The following MRC2 variants were observed in gnomAD, a reference collection of about 807,000 sequenced individuals.
MRC2 encodes the protein C-type mannose receptor 2.
MRC2 carries 84 observed loss-of-function variants against 206.2 expected under a neutral mutation model. The ratio of observed to expected loss-of-function variants is 0.41; its 90% CI spans 0.34 to 0.49. The LOEUF (loss-of-function observed/expected upper bound fraction) is 0.49, where lower values mean the gene tolerates loss of function less well. Ranked by LOEUF, MRC2 falls within the 20% of genes least tolerant of loss-of-function variation. The pLI is 0.31. For missense variants in MRC2, 1,676 were observed against 2,001.5 expected (o/e 0.84, Z 3.10); for synonymous variants, 798 against 800.0 (o/e 1.00, Z 0.04).
intron 1 of MRC2, among the ~76,000 whole-genome samples, chr17:62,644,552 A>G (rs1345200810): frequency 6.6e-6 from 1 of 152,208 alleles, no homozygotes; most frequent in Non-Finnish European, 1.5e-5. Flanking sequence ...AATAAAAATA[A>G]GAAATAAACA....
chr17:62,637,836 AC>A (rs2147432326), intron 1 of MRC2, among the ~76,000 whole-genome samples: 2 of 152,294 alleles, frequency 1.3e-5, no homozygotes, highest in South Asian at 4.1e-4. Context: ...TTGTCACTAC[AC>A]AGGTTCCAGC....
chr17:62,650,926 G>A (rs1358660818), intron 1 of MRC2, among the ~76,000 whole-genome samples: 2 of 152,108 alleles, frequency 1.3e-5, no homozygotes, highest in Non-Finnish European at 2.9e-5. Context: ...TTAGGACTCT[G>A]ATGAGGTTTA....
Position 62,671,718 on chromosome 17 carries a change from T to C in MRC2, c.1187T>C (p.Leu396Pro). ...WQPFQGHCYR[L>P]QAEKRSWQES... ...CCCTTCCAGGGCCACTGCTACCGCC[T>C]GCAGGCCGAGAAGCGCAGCTGGCAG... Residue 396 changes from leucine to proline, a missense_variant, in exon 7 of 30, where the codon CTG (leucine) becomes CCG (proline). Physicochemically the swap from Leu to Pro is moderately conservative, Grantham distance 98. Coordinates refer to ENST00000303375, the MANE Select transcript of MRC2 (RefSeq NM_006039.5). This position sits in a 1 kb window ranked among gnomAD's most constrained non-coding sequence, Gnocchi z 4.5. The C allele has an allele frequency of 6.2e-7, 1 of 1,612,712 alleles. No homozygotes were observed. The highest frequency in any genetic ancestry group is 8.5e-7 in the Non-Finnish European group (1 of 1,179,436).
intron 28 of MRC2, 130 bp downstream of exon 28, chr17:62,691,258 G>A: frequency 1.9e-6 from 2 of 1,071,254 alleles, no homozygotes; most frequent in Non-Finnish European, 2.6e-6. Flanking sequence ...ACGGACTGCG[G>A]GCAGCTGGGA....
At chr17:62,644,292 A>C (rs1007956787) in intron 1 of MRC2, among the ~76,000 whole-genome samples, 5 of 151,966 alleles carry the variant, frequency 3.3e-5, no homozygotes, top group African/African-American at 1.2e-4. Context: ...GGTGATGGGC[A>C]CCTGTAATCT....
At chr17:62,644,885 T>C (rs1598970144) in intron 1 of MRC2, among the ~76,000 whole-genome samples, 1 of 152,168 alleles carries the variant, frequency 6.6e-6, no homozygotes, top group East Asian at 1.9e-4. Context: ...GGGAACCACC[T>C]GGTGCTCTCT....
chr17:62,646,773 G>A (rs899496861), intron 1 of MRC2, among the ~76,000 whole-genome samples: 19 of 152,220 alleles, frequency 1.2e-4, no homozygotes, highest in African/African-American at 4.1e-4. Flanking sequence ...TTCAAGTCCC[G>A]CAGGGTTAAG....
chr17:62,673,970 A>G (rs2088858253), intron 8 of MRC2, 93 bp from the exon 9 acceptor site: 5 of 984,684 alleles, frequency 5.1e-6, no homozygotes, highest in Non-Finnish European at 6.2e-6. Flanking sequence ...TAAGTCAGAG[A>G]CAGGGCCAGC....
chr17:62,646,390 G>A (rs934044390), intron 1 of MRC2, among the ~76,000 whole-genome samples: 1 of 152,094 alleles, frequency 6.6e-6, no homozygotes, highest in Non-Finnish European at 1.5e-5. Flanking sequence ...GAACTCCTGG[G>A]CTCAAGCTAT....
rs1188998795 is a variant in MRC2 at position 62,664,327 on chromosome 17, G to A, written c.119-221G>A. Among the ~76,000 whole-genome samples the A allele has an allele frequency of 6.6e-6, 1 of 152,216 alleles. No individual in the cohort carries two copies. The highest frequency in any genetic ancestry group is 2.4e-5 in the African/African-American group (1 of 41,460). ...CCTGGTGAGCAGGGGCTAGAACAGA[G>A]GTAGTCCTGCAGGCCTCTGCCTCAT... On this transcript the variant is annotated intron_variant, in intron 1 of 29. Transcript: ENST00000303375. The surrounding 1 kb of genome is among the most constrained non-coding windows in gnomAD (Gnocchi z 4.7).
chr17:62,647,773 G>A (rs1238173884), intron 1 of MRC2, among the ~76,000 whole-genome samples: 1 of 152,146 alleles, frequency 6.6e-6, no homozygotes, highest in African/African-American at 2.4e-5. Flanking sequence ...GATAGATGCT[G>A]CCAATTTTTC....
At chr17:62,670,497 G>A (rs1354469279) in intron 6 of MRC2, among the ~76,000 whole-genome samples, 4 of 152,260 alleles carry the variant, frequency 2.6e-5, no homozygotes, top group Non-Finnish European at 5.9e-5. Context: ...TAGTGGGCGC[G>A]CAGTTTCCTG....
chr17:62,634,410 C>G (rs1379364313), intron 1 of MRC2, among the ~76,000 whole-genome samples: 1 of 152,044 alleles, frequency 6.6e-6, no homozygotes, highest in Non-Finnish European at 1.5e-5. Flanking sequence ...AAGCAATTCT[C>G]CTGCCTCAGC....
chr17:62,680,292 C>T lies in MRC2; in HGVS notation c.2421C>T (p.Ile807=), dbSNP rs1386847168. Residue 807 remains isoleucine, a synonymous_variant, in exon 15 of 30, where the codon ATC becomes ATT. Transcript: ENST00000303375. The surrounding 1 kb of genome is among the most constrained non-coding windows in gnomAD (Gnocchi z 4.8). The part of the protein sequence containing the change: ...AMQCDTQLDW[I]CKIPRGTDVR... Reference sequence around the variant, plus strand: ...AGTGCGACACACAGCTGGACTGGATCTGCAAGATCCCCAGAGGTTGGCCGG... The same window carrying T: ...AGTGCGACACACAGCTGGACTGGATTTGCAAGATCCCCAGAGGTTGGCCGG... The T allele has an allele frequency of 6.2e-7, 1 of 1,613,990 alleles. No homozygotes were observed. The highest frequency in any genetic ancestry group is 8.5e-7 in the Non-Finnish European group (1 of 1,179,958).
Position 62,675,959 on chromosome 17 carries a change from T to C in MRC2, c.1685+54T>C. The C allele has an allele frequency of 6.7e-7, 1 of 1,485,532 alleles. No homozygotes were observed. Among genetic ancestry groups the C allele is most frequent in the Non-Finnish European group, 9.4e-7 (1 of 1,065,686 alleles). 92.0% of individuals were successfully genotyped at this position (1,485,532 alleles called of 1,614,324 possible). A position where few individuals can be genotyped will look rare whatever the true frequency, so the allele number is the denominator to read the frequency against. On this transcript the variant is annotated intron_variant, in intron 10 of 29. Transcript: ENST00000303375. This position sits in a 1 kb window ranked among gnomAD's most constrained non-coding sequence, Gnocchi z 4.1. ...CCCTTGCCCATGTCTGGGCCTATTG[T>C]GGTCCCTTCAGCAAACAGGGTAGCA...
chr17:62,673,006 A>AAT (rs1482146912), intron 8 of MRC2, among the ~76,000 whole-genome samples: 7 of 140,298 alleles, frequency 5.0e-5, no homozygotes, highest in African/African-American at 2.0e-4. Flanking sequence ...AAAAAAAAAT[A>AAT]AAATAAAAAG....
At chr17:62,627,999 C>T in intron 1 of MRC2, 79 bp downstream of exon 1, 1 of 938,594 alleles carries the variant, frequency 1.1e-6, no homozygotes. Context: ...CGACTTTTCC[C>T]TCCTTTTCCC....
At chr17:62,649,969 A>G (rs1157088930) in intron 1 of MRC2, among the ~76,000 whole-genome samples, 2 of 150,868 alleles carry the variant, frequency 1.3e-5, no homozygotes, top group Admixed American at 6.6e-5. Flanking sequence ...ATCTCGGCTC[A>G]CTGCAACCTC....
intron 1 of MRC2, among the ~76,000 whole-genome samples, chr17:62,649,316 C>T (rs187022090): frequency 2.7e-4 from 41 of 152,362 alleles, no homozygotes; most frequent in East Asian, 5.8e-4. Flanking sequence ...GCCATTTGGG[C>T]GCAGTGGCTC....
Sources: allele counts gnomAD v4.1 joint callset (sites outside exome capture counted in the v4.1 genomes callset), GRCh38; gene constraint gnomAD v4.1.1; non-coding constraint Gnocchi (gnomAD v3.1); transcripts MANE v1.5; gene names NCBI Gene and HGNC (gene_info 2026-07-23, HGNC 2026-07-21).